Variants in CBLC observed in about 807,000 individuals in gnomAD.
The protein encoded by CBLC is E3 ubiquitin-protein ligase CBL-C.
A neutral mutation model predicts 58.6 loss-of-function variants in CBLC; 46 were observed. That is an observed-to-expected ratio of 0.79 (90% CI 0.62 to 1.00). The LOEUF (loss-of-function observed/expected upper bound fraction) is 1.00, where lower values mean the gene tolerates loss of function less well. Among genes scored for constraint, CBLC ranks in the 50% least tolerant of loss-of-function variants. The pLI is 0.00. For missense variants in CBLC, 655 were observed against 625.8 expected, an observed-to-expected ratio of 1.05 and a Z score of -0.50; for synonymous variants, 271 against 264.2, an observed-to-expected ratio of 1.03 and a Z score of -0.25.
At chr19:44,788,064 T>C (rs531981302) in intron 5 of CBLC, among the ~76,000 whole-genome samples, 59 of 152,134 alleles carry the variant, frequency 3.9e-4, no homozygotes, top group African/African-American at 1.3e-3. Flanking sequence ...CCCAAAGTGC[T>C]GGGGTTACAG....
chr19:44,780,593 C>T (rs1018642723), intron 1 of CBLC, among the ~76,000 whole-genome samples: 5 of 151,584 alleles, frequency 3.3e-5, no homozygotes, highest in Admixed American at 2.0e-4. Flanking sequence ...CTGCCTCAGC[C>T]TCCTGAGTAG....
chr19:44,798,470 G>A (rs1968222966), intron 9 of CBLC, among the ~76,000 whole-genome samples: 2 of 152,136 alleles, frequency 1.3e-5, no homozygotes, highest in South Asian at 4.1e-4. Flanking sequence ...AGCACTTTGG[G>A]AGGCCGAGGT....
At chr19:44,795,317 A>G (rs1326628222) in intron 9 of CBLC, among the ~76,000 whole-genome samples, 3 of 151,782 alleles carry the variant, frequency 2.0e-5, no homozygotes, top group African/African-American at 7.2e-5. Context: ...GGCATTTGAG[A>G]CCAGCCTGGG....
chr19:44,800,204 G>A lies in CBLC; in HGVS notation c.1363-177G>A, dbSNP rs187556678. On this transcript the variant is annotated intron_variant, in intron 9 of 10. Coordinates refer to ENST00000647358, the MANE Select transcript of CBLC (RefSeq NM_012116.4). ...GCACTTTTGGCCCTCCCCAGACTTCGGGCCCCTCTTCTCTTGCCAAGAATT... is the reference window on the plus strand; with the variant it reads ...GCACTTTTGGCCCTCCCCAGACTTCAGGCCCCTCTTCTCTTGCCAAGAATT... Among the ~76,000 whole-genome samples, 147 of 152,218 alleles carry A rather than the reference G, an allele frequency of 9.7e-4. No homozygotes were observed. The highest frequency in any genetic ancestry group is 1.9e-3 in the South Asian group (9 of 4,822).
chr19:44,784,308 T>A lies in CBLC; in HGVS notation c.824T>A (p.Ile275Asn), dbSNP rs777383264. 6.3e-7 allele frequency: 1 copy of A among 1,597,062 alleles called. No homozygotes were observed. Among genetic ancestry groups the A allele is most frequent in the South Asian group, 1.1e-5 (1 of 90,278 alleles). ...TGTACTCGCCTGGGGCAGTGGGCCA[T>A]CGGCTATGTGAGCTCAGATGGCAGC... ...PSCTRLGQWA[I>N]GYVSSDGSIL... The change falls in exon 5 of 11, where the codon ATC (isoleucine) becomes AAC (asparagine). Residue 275 changes from isoleucine (I) to asparagine (N), a missense_variant. Ile to Asn is a moderately radical substitution (Grantham distance 149). This residue lies in a region of CBLC where 371 missense variants were observed against 370.8 expected (regional missense o/e 1.00). Transcript: ENST00000647358.
In CBLC at chr19:44,777,997, C is replaced by T; in HGVS notation, c.66C>T (p.Val22=). 6.2e-7 allele frequency: 1 copy of T among 1,608,468 alleles called. No homozygotes were observed. The highest frequency in any genetic ancestry group is 8.5e-7 in the Non-Finnish European group (1 of 1,179,360). ...AGGCCCGCGCCCTGGGCCGGGCAGT[C>T]AGGATGCTGCAGCGCCTAGAAGAGC... The part of the protein sequence containing the change: ...WEEARALGRA[V]RMLQRLEEQC... The change falls in exon 1 of 11, where the codon GTC becomes GTT. Residue 22 remains valine, a synonymous_variant. Coordinates refer to ENST00000647358, the MANE Select transcript of CBLC (RefSeq NM_012116.4).
intron 5 of CBLC, 26 bp from the exon 6 acceptor site, chr19:44,789,978 A>C (rs1968003856): frequency 9.0e-6 from 13 of 1,446,938 alleles, no homozygotes; most frequent in Non-Finnish European, 1.2e-5. Context: ...ATGGCCCCCC[A>C]GTCCCCCTCT....
chr19:44,784,146 G>A (rs904025827), intron 4 of CBLC, 118 bp from the exon 5 acceptor site: 1 of 915,416 alleles, frequency 1.1e-6, no homozygotes, highest in African/African-American at 1.6e-5. Context: ...CTAGAGGATG[G>A]GAAGCTGGGG....
Position 44,780,956 on chromosome 19 carries a change from G to A in CBLC, c.405G>A (p.Leu135=). The A allele has an allele frequency of 1.9e-6, 3 of 1,613,476 alleles. No homozygotes were observed. The highest frequency in any genetic ancestry group is 2.5e-6 in the Non-Finnish European group (3 of 1,180,002). Residue 135 remains leucine (L), a synonymous_variant, in exon 2 of 11, where the codon CTG becomes CTA. Coordinates refer to ENST00000647358, the MANE Select transcript of CBLC (RefSeq NM_012116.4). ...AIIFSHMHAE[L]HALFPGGKYC... is the part of the protein sequence containing the mutation. ...TCTTCAGCCACATGCACGCAGAGCT[G>A]CACGCACTCTTCCCCGGGGGAAAGT...
chr19:44,781,236 C>A lies in CBLC; in HGVS notation c.530C>A (p.Ser177Tyr). ...RCVLPWAEFE[S>Y]LLGTCHPVEP... ...GTGCTGCCCTGGGCTGAGTTTGAGT[C>A]CCTCCTGGGCACCTGCCACCCTGTG... is the stretch of plus-strand genomic sequence containing the variant. The change falls in exon 3 of 11, where the codon TCC (serine) becomes TAC (tyrosine). Residue 177 changes from serine to tyrosine, a missense_variant. Around this residue, in one of 3 missense-constraint regions of CBLC, gnomAD observed 4 missense variants for 17.8 expected, o/e 0.22. Transcript: ENST00000647358. 1.2e-6 allele frequency: 2 copies of A among 1,613,466 alleles called. No homozygotes were observed. Among genetic ancestry groups the A allele is most frequent in the Non-Finnish European group, 1.7e-6 (2 of 1,179,824 alleles).
chr19:44,790,107 G>A lies in CBLC; in HGVS notation c.1005+16G>A. The A allele has an allele frequency of 1.3e-6, 2 of 1,596,248 alleles. No individual in the cohort carries two copies. Among genetic ancestry groups the A allele is most frequent in the Non-Finnish European group, 1.7e-6 (2 of 1,163,748 alleles). ...CGTGTCAGAGGTGAGACCCGCACCT[G>A]CACCCGCAGTCCCAGTTCCCTGACC... is the stretch of plus-strand genomic sequence containing the variant. On this transcript the variant is annotated intron_variant, in intron 6 of 10. Transcript: ENST00000647358.
intron 2 of CBLC, 62 bp downstream of exon 2, chr19:44,781,113 G>A (rs971205358): frequency 1.9e-6 from 3 of 1,581,046 alleles, no homozygotes; most frequent in Non-Finnish European, 2.6e-6. Context: ...GGGACCCAGG[G>A]GTCCAGGCCC....
chr19:44,793,530 C>T lies in CBLC; in HGVS notation c.1194C>T (p.Ala398=), dbSNP rs112128460. 6 of 1,612,680 alleles carry T rather than the reference C, an allele frequency of 3.7e-6. No homozygotes were observed. In the Admixed American group the frequency reaches 5.0e-5, roughly 14 times the overall value. ...FCRCEIKGWE[A]VSIYQFHGQA... ...GCTGCGAGATCAAGGGCTGGGAGGC[C>T]GTGAGTATCTACCAGTTCCACGGTC... Residue 398 remains alanine, a synonymous_variant, in exon 8 of 11, where the codon GCC becomes GCT. Transcript: ENST00000647358.
At chr19:44,790,521 G>A (rs1011616070) in intron 6 of CBLC, among the ~76,000 whole-genome samples, 3 of 151,880 alleles carry the variant, frequency 2.0e-5, no homozygotes, top group Non-Finnish European at 4.4e-5. Context: ...CTGCAGCCTC[G>A]ACCTCTGGGC....
chr19:44,800,359 T>G (rs1324955889), intron 9 of CBLC, 22 bp from the exon 10 acceptor site: 15 of 1,568,006 alleles, frequency 9.6e-6, no homozygotes, highest in Admixed American at 1.7e-5. Context: ...TCAACCGCCC[T>G]CTCAAAATAT....
chr19:44,782,574 G>A (rs1967780100), intron 4 of CBLC, 83 bp downstream of exon 4: 5 of 1,163,098 alleles, frequency 4.3e-6, no homozygotes, highest in Middle Eastern at 2.5e-4. Context: ...GAGCCCAGAT[G>A]TCCTTCCAAG....
intron 5 of CBLC, among the ~76,000 whole-genome samples, chr19:44,787,694 G>A (rs577323974): frequency 1.3e-5 from 2 of 151,380 alleles, no homozygotes; most frequent in Admixed American, 6.6e-5. Context: ...GCAGGCGCCT[G>A]TAATTCCAGC....
intron 1 of CBLC, among the ~76,000 whole-genome samples, chr19:44,780,626 C>A (rs139957871): frequency 0.039 from 5,973 of 151,614 alleles, 160 homozygotes; most frequent in South Asian, 0.1. Flanking sequence ...GCGGGCGCCA[C>A]CACGCCAGGC....
chr19:44,792,030 G>A (rs896095044), intron 6 of CBLC, among the ~76,000 whole-genome samples: 3 of 145,228 alleles, frequency 2.1e-5, no homozygotes, highest in Admixed American at 7.0e-5. Context: ...TTTTGCTCTT[G>A]TTACCCAGGC....
Sources: allele counts gnomAD v4.1 joint callset (sites outside exome capture counted in the v4.1 genomes callset), GRCh38; gene constraint gnomAD v4.1.1; regional missense constraint gnomAD v4.1.1; transcripts MANE v1.5; gene names NCBI Gene and HGNC (gene_info 2026-07-23, HGNC 2026-07-21).